CSMD1: variants seen among roughly 807,000 people sequenced by gnomAD.
CSMD1 encodes the protein CUB and Sushi multiple domains 1.
Under a neutral mutation model 417.5 loss-of-function variants are expected in CSMD1, and 213 were observed. The ratio of observed to expected loss-of-function variants is 0.51; its 90% CI spans 0.46 to 0.57. CSMD1 has a LOEUF of 0.57. Ranked by LOEUF, CSMD1 falls within the 20% of genes least tolerant of loss-of-function variation. CSMD1 has a pLI of 0.00. For synonymous variants in CSMD1, 2,862 were observed against 1,736.8 expected (o/e 1.65, Z -16.11); for missense variants, 6,923 against 4,529.7 (o/e 1.53, Z -15.17).
intron 1 of CSMD1, among the ~76,000 whole-genome samples, chr8:4,984,620 A>G (rs1404339686): frequency 6.6e-6 from 1 of 152,182 alleles, no homozygotes; most frequent in Non-Finnish European, 1.5e-5. Context: ...ATTATTTGAC[A>G]TAGATTAGGG....
intron 66 of CSMD1, 23 bp from the exon 67 acceptor site, chr8:2,950,366 G>C (rs952196794): frequency 2.8e-6 from 4 of 1,449,186 alleles, no homozygotes; most frequent in South Asian, 1.1e-5. Context: ...CAGCAGTTTA[G>C]GCTTACCTTG....
chr8:4,057,366 T>G (rs1438494681), intron 3 of CSMD1, among the ~76,000 whole-genome samples: 1 of 151,032 alleles, frequency 6.6e-6, no homozygotes, highest in Non-Finnish European at 1.5e-5. Flanking sequence ...CTTCGCCTAC[T>G]TTTTGATGGG....
chr8:4,778,342 C>G (rs1374344384), intron 1 of CSMD1, among the ~76,000 whole-genome samples: 3 of 151,950 alleles, frequency 2.0e-5, no homozygotes, highest in Non-Finnish European at 4.4e-5. Context: ...CTATGATATC[C>G]CCATTGTTTT....
intron 3 of CSMD1, among the ~76,000 whole-genome samples, chr8:4,034,248 T>C (rs1000784726): frequency 3.9e-5 from 6 of 152,192 alleles, no homozygotes; most frequent in African/African-American, 7.2e-5. Context: ...CAGAACTATA[T>C]AGAAATATTT....
chr8:3,174,419 C>G (rs1232327069), intron 37 of CSMD1, among the ~76,000 whole-genome samples: 2 of 152,110 alleles, frequency 1.3e-5, no homozygotes, highest in African/African-American at 2.4e-5. Flanking sequence ...TGCTTGAACC[C>G]AAGAGGTTGA....
At chr8:4,736,140 A>C (rs2116980309) in intron 1 of CSMD1, among the ~76,000 whole-genome samples, 1 of 152,190 alleles carries the variant, frequency 6.6e-6, no homozygotes, top group Non-Finnish European at 1.5e-5. Flanking sequence ...TACTGGATTA[A>C]CTCATTCTGT....
At chr8:4,402,813 T>G (rs1804736020) in intron 3 of CSMD1, among the ~76,000 whole-genome samples, 1 of 59,002 alleles carries the variant, frequency 1.7e-5, no homozygotes, top group Non-Finnish European at 3.7e-5. Context: ...TTTTTTTTTT[T>G]TTTTTTTCTT....
intron 5 of CSMD1, among the ~76,000 whole-genome samples, chr8:3,754,850 G>A (rs1252047861): frequency 6.6e-6 from 1 of 152,186 alleles, no homozygotes; most frequent in Non-Finnish European, 1.5e-5. Context: ...CCATTTGCAG[G>A]ACTAAGAACC....
rs143537637 is a variant in CSMD1 at position 4,903,113 on chromosome 8, C to G, written c.85+91219G>C. ...CCATACACTGTTCCACTGATATGAA[C>G]TTACCTTTGCTCTATCTTTGTACTC... On this transcript the variant is annotated intron_variant, in intron 1 of 69. Transcript: ENST00000635120. 6.5e-3 allele frequency among the ~76,000 whole-genome samples: 985 copies of G among 152,098 alleles called. 12 individuals carry two copies. Among genetic ancestry groups the G allele is most frequent in the African/African-American group, 0.023 (939 of 41,514 alleles).
At position 3,142,635 on chromosome 8, in the gene CSMD1, T is replaced by C. The variant is rs371664508; in HGVS notation, c.6071A>G (p.Asn2024Ser). Residue 2024 changes from asparagine (N) to serine (S), a missense_variant, in exon 41 of 70, where the codon AAT (asparagine) becomes AGT (serine). Physicochemically the swap from Asn to Ser is conservative, Grantham distance 46. Transcript: ENST00000635120. ...ATTTTGAATTTCAAGGAAGTCATGA[T>C]TAGCTTCGGTAGAAAAATTCAGAAA... is the stretch of plus-strand genomic sequence containing the variant. ...IQFLNFSTEANHDFLEIQNGP... is the reference protein window; with the variant it reads ...IQFLNFSTEASHDFLEIQNGP... 1.9e-6 allele frequency: 3 copies of C among 1,614,006 alleles called. No homozygotes were observed. Among genetic ancestry groups the C allele is most frequent in the Admixed American group, 3.3e-5 (2 of 60,020 alleles).
chr8:4,913,541 C>G (rs1030761106), intron 1 of CSMD1, among the ~76,000 whole-genome samples: 1 of 152,156 alleles, frequency 6.6e-6, no homozygotes, highest in Admixed American at 6.5e-5. Flanking sequence ...CCTCAAAGAG[C>G]TCTACAGGGG....
Position 3,729,131 on chromosome 8 carries a change from A to G in CSMD1, c.932-20640T>C, listed in dbSNP as rs186277087. Among the ~76,000 whole-genome samples the G allele has an allele frequency of 2.6e-3, 390 of 152,350 alleles. 2 individuals carry two copies. Among genetic ancestry groups the G allele is most frequent in the Admixed American group, 6.3e-3 (97 of 15,300 alleles). ...TCGAGCTAAAGTAGACAACTTTCAGAAAACTCACTTGTGGAACATTTAACT... is the reference window on the plus strand; with the variant it reads ...TCGAGCTAAAGTAGACAACTTTCAGGAAACTCACTTGTGGAACATTTAACT... On this transcript the variant is annotated intron_variant, in intron 6 of 69. Coordinates refer to ENST00000635120, the MANE Select transcript of CSMD1 (RefSeq NM_033225.6).
chr8:3,683,795 G>T (rs958582243), intron 7 of CSMD1, among the ~76,000 whole-genome samples: 4 of 152,026 alleles, frequency 2.6e-5, no homozygotes, highest in Non-Finnish European at 4.4e-5. Flanking sequence ...CATCTGCTTT[G>T]TGTTAACTTG....
intron 1 of CSMD1, among the ~76,000 whole-genome samples, chr8:4,877,416 A>T (rs1007307684): frequency 6.6e-6 from 1 of 152,134 alleles, no homozygotes; most frequent in Admixed American, 6.6e-5. Context: ...TTGTAAAGAA[A>T]TATCAATTAT....
At chr8:3,344,672 C>T in intron 22 of CSMD1, among the ~76,000 whole-genome samples, 1 of 152,118 alleles carries the variant, frequency 6.6e-6, no homozygotes, top group East Asian at 1.9e-4. Context: ...TTAGTAGGCT[C>T]TTCCAATGTG....
At chr8:3,978,042 C>G (rs765039867) in intron 5 of CSMD1, among the ~76,000 whole-genome samples, 2 of 152,178 alleles carry the variant, frequency 1.3e-5, no homozygotes, top group South Asian at 2.1e-4. Context: ...CATCTCATAG[C>G]TTCCTCAAAA....
intron 3 of CSMD1, among the ~76,000 whole-genome samples, chr8:4,096,451 T>A (rs994226370): frequency 6.6e-6 from 1 of 152,096 alleles, no homozygotes; most frequent in East Asian, 1.9e-4. Context: ...ATGATCCCCA[T>A]CTAAAATGTA....
intron 3 of CSMD1, among the ~76,000 whole-genome samples, chr8:4,129,899 C>A (rs1384575161): frequency 6.6e-6 from 1 of 152,034 alleles, no homozygotes; most frequent in Non-Finnish European, 1.5e-5. Flanking sequence ...ATAATATATC[C>A]TTTTACTTCT....
At chr8:4,733,981 G>A (rs1810063469) in intron 1 of CSMD1, among the ~76,000 whole-genome samples, 1 of 152,182 alleles carries the variant, frequency 6.6e-6, no homozygotes, top group South Asian at 2.1e-4. Flanking sequence ...CTATGCATGT[G>A]AAGTGAAGAT....
Sources: gnomAD v4.1 joint callset for allele counts (sites outside exome capture counted in the v4.1 genomes callset) on GRCh38, gnomAD v4.1.1 for gene constraint, MANE v1.5 for transcripts, NCBI Gene and HGNC (gene_info 2026-07-23, HGNC 2026-07-21) for gene names.